ZMIZ1: variants seen among roughly 807,000 people sequenced by gnomAD.
ZMIZ1 encodes zinc finger MIZ-type containing 1.
ZMIZ1 carries 17 observed loss-of-function variants against 113.9 expected under a neutral mutation model. That is an observed-to-expected ratio of 0.15 (90% CI 0.10 to 0.22). ZMIZ1 has a LOEUF of 0.22. Ranked by LOEUF, ZMIZ1 falls within the 10% of genes least tolerant of loss-of-function variation. The probability of loss-of-function intolerance (pLI) is 1.00; values close to 1 mark genes in which losing one functional copy is unlikely to be tolerated. For missense variants in ZMIZ1, 1,059 were observed against 1,477.8 expected (o/e 0.72, Z 4.65); for synonymous variants, 607 against 603.1 (o/e 1.01, Z -0.09).
rs149597716 is a variant in ZMIZ1 at position 79,086,669 on chromosome 10, G to A, written c.-337+17399G>A. Among the ~76,000 whole-genome samples, 308 of 152,132 alleles carry A rather than the reference G, an allele frequency of 2.0e-3. 1 individual carries two copies. Among genetic ancestry groups the A allele is most frequent in the Middle Eastern group, 6.8e-3 (2 of 294 alleles). On this transcript the variant is annotated intron_variant, in intron 1 of 24. Transcript: ENST00000334512. The stretch of plus-strand genomic sequence containing the variant: ...GACTACCGGCACGAGCCATCACCCC[G>A]GCTAATTGAAAAAAATTTTTTTTGT...
chr10:79,134,165 C>T (rs930876230), intron 2 of ZMIZ1, among the ~76,000 whole-genome samples: 2 of 152,118 alleles, frequency 1.3e-5, no homozygotes, highest in Non-Finnish European at 2.9e-5. Context: ...GTCTGAAGCC[C>T]GGGGTCACCA....
intron 1 of ZMIZ1, among the ~76,000 whole-genome samples, chr10:79,078,880 A>G (rs1047877247): frequency 3.9e-5 from 6 of 151,966 alleles, no homozygotes; most frequent in Admixed American, 6.6e-5. Flanking sequence ...ATAACTATGG[A>G]AAAGACCAAT....
At chr10:79,292,466 A>G (rs1853560709) in intron 11 of ZMIZ1, 110 bp downstream of exon 11, 2 of 1,415,776 alleles carry the variant, frequency 1.4e-6, no homozygotes, top group Non-Finnish European at 1.9e-6. Flanking sequence ...GTGCTGGGAG[A>G]GCTGACTGCA....
intron 7 of ZMIZ1, among the ~76,000 whole-genome samples, chr10:79,242,840 G>T (rs1849922337): frequency 6.6e-6 from 1 of 152,024 alleles, no homozygotes; most frequent in Non-Finnish European, 1.5e-5. Flanking sequence ...GTCGGGTCGT[G>T]CGTTCGCTCG....
chr10:79,132,135 C>T (rs1160880321), intron 2 of ZMIZ1, among the ~76,000 whole-genome samples: 4 of 152,198 alleles, frequency 2.6e-5, no homozygotes, highest in African/African-American at 9.6e-5. Context: ...CAGATCACTG[C>T]CACGTGCACG....
chr10:79,076,456 G>C (rs978942776), intron 1 of ZMIZ1, among the ~76,000 whole-genome samples: 2 of 152,192 alleles, frequency 1.3e-5, no homozygotes, highest in African/African-American at 4.8e-5. Flanking sequence ...TGCAGCCAGG[G>C]GAGTGTGGAA....
chr10:79,130,690 C>T (rs1488028237), intron 2 of ZMIZ1, among the ~76,000 whole-genome samples: 3 of 152,082 alleles, frequency 2.0e-5, no homozygotes, highest in Admixed American at 6.5e-5. Context: ...ACCGTGTGAC[C>T]TTGGGCAGTC....
chr10:79,305,735 C>A, intron 21 of ZMIZ1, 134 bp downstream of exon 21: 1 of 927,952 alleles, frequency 1.1e-6, no homozygotes, highest in South Asian at 1.4e-5. Flanking sequence ...TCCCCCACCT[C>A]TCTGTCCCTT....
At chr10:79,258,549 G>T (rs574038733) in intron 7 of ZMIZ1, among the ~76,000 whole-genome samples, 9 of 152,228 alleles carry the variant, frequency 5.9e-5, no homozygotes, top group Non-Finnish European at 1.2e-4. Flanking sequence ...AATTCTGTTG[G>T]CCAGCAGTGT....
intron 4 of ZMIZ1, among the ~76,000 whole-genome samples, chr10:79,163,735 C>T (rs1846206745): frequency 1.3e-5 from 2 of 152,362 alleles, no homozygotes; most frequent in Admixed American, 1.3e-4. Context: ...GGGAAAGCCA[C>T]TCCATTTCTG....
chr10:79,164,585 A>T (rs1234008779), intron 4 of ZMIZ1, among the ~76,000 whole-genome samples: 1 of 152,232 alleles, frequency 6.6e-6, no homozygotes, highest in African/African-American at 2.4e-5. Flanking sequence ...ATGAAAGGAC[A>T]GTCTTGCTTG....
rs755123134 is a variant in ZMIZ1 at position 79,314,013 on chromosome 10, A to AG, written c.*1270dup. The stretch of plus-strand genomic sequence containing the variant: ...GTATGTACCTGCAGGCATGGGGGGG[A>AG]GGGGGGCGTGTTTCTGGGCCTGCCC... On this transcript the variant is annotated 3_prime_UTR_variant, in exon 25 of 25. Transcript: ENST00000334512. 7.2e-4 allele frequency: 329 copies of AG among 455,582 alleles called. 3 individuals are homozygous for AG. Among genetic ancestry groups the AG allele is most frequent in the South Asian group, 4.9e-3 (319 of 64,514 alleles). The allele number at this position is 455,582 out of a possible 1,614,324, so 28.2% of individuals were successfully genotyped here.
intron 4 of ZMIZ1, among the ~76,000 whole-genome samples, chr10:79,164,312 T>A (rs1846229633): frequency 6.6e-6 from 1 of 152,260 alleles, no homozygotes; most frequent in Non-Finnish European, 1.5e-5. Context: ...GAAGGGCAGC[T>A]GTTAAACTGA....
chr10:79,082,331 C>T (rs1383729504), intron 1 of ZMIZ1, among the ~76,000 whole-genome samples: 2 of 152,336 alleles, frequency 1.3e-5, no homozygotes, highest in East Asian at 1.9e-4. Flanking sequence ...CCTTGCATTC[C>T]GCCTTGGGTG....
intron 3 of ZMIZ1, among the ~76,000 whole-genome samples, chr10:79,157,192 C>T (rs1202387230): frequency 6.6e-6 from 1 of 152,124 alleles, no homozygotes; most frequent in South Asian, 2.1e-4. Context: ...CTCTGCTGAG[C>T]GATTTCTTCC....
At chr10:79,304,470 G>T (rs1854547062) in intron 19 of ZMIZ1, among the ~76,000 whole-genome samples, 2 of 152,238 alleles carry the variant, frequency 1.3e-5, no homozygotes, top group Non-Finnish European at 2.9e-5. Context: ...GGGCCCAAGA[G>T]CAGGGACACC....
At chr10:79,275,325 G>T (rs370301314) in intron 7 of ZMIZ1, among the ~76,000 whole-genome samples, 22 of 152,298 alleles carry the variant, frequency 1.4e-4, no homozygotes, top group Non-Finnish European at 2.4e-4. Context: ...CCCCACGGAG[G>T]GGGGCAGGAC....
At chr10:79,312,516 C>T (rs1482723380) in intron 24 of ZMIZ1, 126 bp from the exon 25 acceptor site, 7 of 960,020 alleles carry the variant, frequency 7.3e-6, no homozygotes, top group South Asian at 1.4e-5. Flanking sequence ...GTTCTCTACC[C>T]CTTTTTTTGG....
chr10:79,260,546 A>G (rs1413603708), intron 7 of ZMIZ1, among the ~76,000 whole-genome samples: 1 of 152,230 alleles, frequency 6.6e-6, no homozygotes, highest in Non-Finnish European at 1.5e-5. Context: ...GGAAAAACCC[A>G]AAGCCACCAG....
Sources: allele counts gnomAD v4.1 joint callset (sites outside exome capture counted in the v4.1 genomes callset), GRCh38; gene constraint gnomAD v4.1.1; transcripts MANE v1.5; gene names NCBI Gene and HGNC (gene_info 2026-07-23, HGNC 2026-07-21).